The following BMPER variants were observed in gnomAD, a reference collection of about 807,000 sequenced individuals.
BMPER encodes the protein BMP-binding endothelial regulator protein.
In BMPER, 45 loss-of-function variants were observed where a neutral mutation model predicts 87.3. The observed-to-expected ratio is 0.52, with a 90% CI of 0.41 to 0.66. The LOEUF (loss-of-function observed/expected upper bound fraction) is 0.66, where lower values mean the gene tolerates loss of function less well. BMPER is among the 30% of genes least tolerant of loss of function. The pLI, the probability that BMPER is intolerant of heterozygous loss-of-function variation, is 0.00. For synonymous variants in BMPER, 326 were observed against 316.2 expected (o/e 1.03, Z -0.33); for missense variants, 784 against 867.5 (o/e 0.90, Z 1.21).
intron 13 of BMPER, among the ~76,000 whole-genome samples, chr7:34,104,919 T>C (rs1378197633): frequency 1.3e-5 from 2 of 152,228 alleles, no homozygotes; most frequent in East Asian, 3.8e-4. Flanking sequence ...ACTCGTCTAT[T>C]TTCAGAGCTA....
intron 13 of BMPER, among the ~76,000 whole-genome samples, chr7:34,122,385 T>A (rs1361778894): frequency 6.6e-6 from 1 of 152,220 alleles, no homozygotes; most frequent in Non-Finnish European, 1.5e-5. Flanking sequence ...TCTGAGATCT[T>A]GTTAAAACAG....
At chr7:33,986,100 G>A (rs1436234261) in intron 6 of BMPER, among the ~76,000 whole-genome samples, 4 of 152,064 alleles carry the variant, frequency 2.6e-5, no homozygotes, top group Non-Finnish European at 4.4e-5. Flanking sequence ...TTGAGATTGC[G>A]ACCTTCTGTA....
chr7:34,138,846 T>C lies in BMPER; in HGVS notation c.1746-4384T>C, dbSNP rs1442043112. 7.9e-5 allele frequency among the ~76,000 whole-genome samples: 12 copies of C among 152,124 alleles called. No individual in the cohort carries two copies. The East Asian group carries it at 2.3e-3, about 29-fold the overall frequency. ...AACTCACCATCAAACAGAACATAAA[T>C]GTGACAGAACAATGTCATGACAGCA... On this transcript the variant is annotated intron_variant, in intron 13 of 14. Coordinates refer to ENST00000649409, the MANE Select transcript of BMPER (RefSeq NM_001365308.1).
intron 2 of BMPER, 51 bp downstream of exon 2, chr7:33,906,954 T>C (rs368920581): frequency 6.8e-7 from 1 of 1,474,002 alleles, no homozygotes; most frequent in Non-Finnish European, 9.5e-7. Context: ...TCTGATAAGG[T>C]GAATCCATTA....
At chr7:34,098,158 G>A (rs894362974) in intron 13 of BMPER, among the ~76,000 whole-genome samples, 2 of 152,270 alleles carry the variant, frequency 1.3e-5, no homozygotes, top group Middle Eastern at 3.4e-3. Context: ...CCATAGAGAC[G>A]CCAGTGTGGG....
chr7:34,053,420 C>A (rs887582971), intron 8 of BMPER, among the ~76,000 whole-genome samples: 7 of 152,070 alleles, frequency 4.6e-5, no homozygotes, highest in Non-Finnish European at 1.5e-5. Context: ...GTTGGCTCTT[C>A]GACAGTGTGG....
intron 6 of BMPER, among the ~76,000 whole-genome samples, chr7:33,977,641 TAGAA>T (rs1382981103): frequency 6.6e-6 from 1 of 152,068 alleles, no homozygotes; most frequent in Non-Finnish European, 1.5e-5. Context: ...TTGGTAAAAA[TAGAA>T]AGATATATAT....
chr7:34,020,379 A>G (rs1245707024), intron 6 of BMPER, among the ~76,000 whole-genome samples: 4 of 151,978 alleles, frequency 2.6e-5, no homozygotes, highest in African/African-American at 9.7e-5. Flanking sequence ...CTGGAGTTAC[A>G]GATTTGGGAG....
intron 4 of BMPER, among the ~76,000 whole-genome samples, chr7:33,969,732 T>G (rs1352278573): frequency 6.6e-6 from 1 of 152,230 alleles, no homozygotes; most frequent in Non-Finnish European, 1.5e-5. Flanking sequence ...AAAGTCCCTA[T>G]TTTGACATAT....
At chr7:34,075,646 C>T (rs1585805066) in intron 11 of BMPER, among the ~76,000 whole-genome samples, 1 of 152,182 alleles carries the variant, frequency 6.6e-6, no homozygotes, top group Non-Finnish European at 1.5e-5. Flanking sequence ...TTTCTGTAGC[C>T]TCCCTCCCTC....
At position 34,143,226 on chromosome 7, in the gene BMPER, A is replaced by G. The variant is rs1185063468; in HGVS notation, c.1746-4A>G. On this transcript the variant is annotated splice_polypyrimidine_tract_variant and splice_region_variant and intron_variant, in intron 13 of 14. Transcript: ENST00000649409. ...TGTTTCTATCTCTCTTTTGGGTCCT[A>G]TAGGTCCTGTGTGACAGACATGTGT... 1.9e-6 allele frequency: 3 copies of G among 1,613,958 alleles called. No individual in the cohort carries two copies. Among genetic ancestry groups the G allele is most frequent in the Admixed American group, 1.7e-5 (1 of 60,002 alleles).
chr7:33,973,357 C>T (rs1316640981), intron 5 of BMPER, among the ~76,000 whole-genome samples: 3 of 152,318 alleles, frequency 2.0e-5, no homozygotes, highest in East Asian at 1.9e-4. Context: ...CTTACCAGGC[C>T]TTCTGGCATC....
In BMPER at chr7:33,965,776, C is replaced by T. The variant is rs572805363; in HGVS notation, c.320-703C>T. On this transcript the variant is annotated intron_variant, in intron 3 of 14. Transcript: ENST00000649409. The stretch of plus-strand genomic sequence containing the variant: ...CTATTGTTTCTTTGGCCTTTTCCCA[C>T]AGAGACTCAAGCTAACTGGCTTATT... 8.5e-5 allele frequency among the ~76,000 whole-genome samples: 13 copies of T among 152,300 alleles called. 1 individual carries two copies. The South Asian group carries it at 2.5e-3, about 29-fold the overall frequency.
rs548127138 is a variant in BMPER at position 34,032,308 on chromosome 7, C to T, written c.577-13998C>T. 6.6e-5 allele frequency among the ~76,000 whole-genome samples: 10 copies of T among 152,054 alleles called. No homozygotes were observed. The East Asian group carries it at 1.9e-3, about 30-fold the overall frequency. ...CTTGATTTAGAATCTGGAACGATTT[C>T]CTGGTTTGTATTGAGTTTAAGCCAT... On this transcript the variant is annotated intron_variant, in intron 6 of 14. Transcript: ENST00000649409.
intron 11 of BMPER, among the ~76,000 whole-genome samples, chr7:34,069,896 A>G (rs1788693491): frequency 6.6e-6 from 1 of 152,160 alleles, no homozygotes; most frequent in Non-Finnish European, 1.5e-5. Context: ...ATATTCATGA[A>G]TGCTGTCATT....
chr7:34,052,801 G>C (rs923232010), intron 8 of BMPER, among the ~76,000 whole-genome samples: 2 of 152,178 alleles, frequency 1.3e-5, no homozygotes, highest in African/African-American at 4.8e-5. Flanking sequence ...GCTTTGTTCA[G>C]TAGCATGCAC....
chr7:33,920,682 C>G (rs1187227731), intron 2 of BMPER, among the ~76,000 whole-genome samples: 1 of 151,934 alleles, frequency 6.6e-6, no homozygotes, highest in Admixed American at 6.6e-5. Flanking sequence ...CCTTGGCCCC[C>G]CCAAAGTGCT....
intron 13 of BMPER, among the ~76,000 whole-genome samples, chr7:34,098,410 C>T (rs1789590404): frequency 6.6e-6 from 1 of 152,088 alleles, no homozygotes; most frequent in African/African-American, 2.4e-5. Flanking sequence ...TTTTTACTGG[C>T]TTCAGGCTTT....
At chr7:33,957,137 G>A (rs1344205454) in intron 3 of BMPER, among the ~76,000 whole-genome samples, 8 of 152,004 alleles carry the variant, frequency 5.3e-5, no homozygotes, top group Non-Finnish European at 1.0e-4. Flanking sequence ...GAATCCTGCT[G>A]TGATGAATAA....
Sources: allele counts gnomAD v4.1 joint callset (sites outside exome capture counted in the v4.1 genomes callset), GRCh38; gene constraint gnomAD v4.1.1; transcripts MANE v1.5; gene names NCBI Gene and HGNC (gene_info 2026-07-23, HGNC 2026-07-21).